MMAB: variants seen among roughly 807,000 people sequenced by gnomAD.
MMAB encodes the protein metabolism of cobalamin associated B, also known as corrinoid adenosyltransferase MMAB.
Under a neutral mutation model 30.6 loss-of-function variants are expected in MMAB, and 17 were observed. The ratio of observed to expected loss-of-function variants is 0.56; its 90% CI spans 0.38 to 0.83. MMAB has a LOEUF of 0.83. Ranked by LOEUF, MMAB falls within the 40% of genes least tolerant of loss-of-function variation. The pLI is 0.00. For synonymous variants in MMAB, 134 were observed against 138.6 expected, an observed-to-expected ratio of 0.97 and a Z score of 0.23; for missense variants, 311 against 331.6, an observed-to-expected ratio of 0.94 and a Z score of 0.48.
At chr12:109,563,712 C>T (rs1326083517) in intron 4 of MMAB, among the ~76,000 whole-genome samples, 1 of 152,244 alleles carries the variant, frequency 6.6e-6, no homozygotes, top group East Asian at 1.9e-4. Flanking sequence ...GAAAGCCTTC[C>T]TCCACCACAC....
At chr12:109,567,167 T>G in intron 3 of MMAB, 2 of 367,946 alleles carry the variant, frequency 5.4e-6, no homozygotes, top group Non-Finnish European at 1.1e-5. Context: ...CGAAACTCCG[T>G]CTCGGAAAAA....
intron 4 of MMAB, among the ~76,000 whole-genome samples, chr12:109,562,573 G>A (rs958640629): frequency 6.6e-5 from 10 of 152,326 alleles, no homozygotes; most frequent in African/African-American, 2.2e-4. Context: ...AAGAGGAACC[G>A]TCTGGGCTCT....
Position 109,556,626 on chromosome 12 carries a change from C to G in MMAB, c.*402G>C, listed in dbSNP as rs1421337484. 1.1e-5 allele frequency: 5 copies of G among 448,770 alleles called. No individual in the cohort carries two copies. Among genetic ancestry groups the G allele is most frequent in the African/African-American group, 2.3e-5 (1 of 43,524 alleles). 27.8% of individuals were successfully genotyped at this position (448,770 alleles called of 1,614,324 possible). On this transcript the variant is annotated 3_prime_UTR_variant, in exon 9 of 9. Coordinates refer to ENST00000545712, the MANE Select transcript of MMAB (RefSeq NM_052845.4). ...ATTCCAAATCTGTGAACAACCTGAG[C>G]TGGCAGTGGGAGGGCTCTCTCTCAC...
chr12:109,568,253 ACCCTGTGAT>A (rs1884507875), intron 3 of MMAB: 1 of 177,498 alleles, frequency 5.6e-6, no homozygotes, highest in East Asian at 1.4e-4. Context: ...CAAAGAATAT[ACCCTGTGAT>A]GGGCATGAAG....
At chr12:109,559,353 G>A (rs774258300) in intron 7 of MMAB, among the ~76,000 whole-genome samples, 198 bp from the exon 8 acceptor site, 2 of 152,154 alleles carry the variant, frequency 1.3e-5, no homozygotes, top group Non-Finnish European at 2.9e-5. Context: ...CCAGCACATC[G>A]CAGGACGGCC....
At chr12:109,571,029 C>G (rs1253854843) in intron 2 of MMAB, among the ~76,000 whole-genome samples, 3 of 151,648 alleles carry the variant, frequency 2.0e-5, no homozygotes, top group Admixed American at 6.6e-5. Context: ...AGTGAAAGTC[C>G]TTCTGTTTGT....
rs749398960 is a variant in MMAB at position 109,561,721 on chromosome 12, C to T, written c.421+59G>A. The T allele has an allele frequency of 3.4e-6, 5 of 1,492,524 alleles. No individual in the cohort carries two copies. In the South Asian group the frequency reaches 3.6e-5, roughly 11 times the overall value. 92.5% of individuals were successfully genotyped at this position (1,492,524 alleles called of 1,614,324 possible). ...GGGGCCTGGGATCCCAGATGGTGAC[C>T]CTAGGAGAGTCCCCTGACCCTAGGG... On this transcript the variant is annotated intron_variant, in intron 5 of 8. Transcript: ENST00000545712. This position sits in a 1 kb window ranked among gnomAD's most constrained non-coding sequence, Gnocchi z 5.3.
intron 4 of MMAB, among the ~76,000 whole-genome samples, chr12:109,562,354 G>A (rs1437747295): frequency 6.6e-6 from 1 of 152,200 alleles, no homozygotes; most frequent in South Asian, 2.1e-4. Flanking sequence ...ATAGCAGTGC[G>A]AGAACAGACT....
chr12:109,568,658 A>C, intron 3 of MMAB, 112 bp downstream of exon 3: 2 of 875,074 alleles, frequency 2.3e-6, no homozygotes, highest in Non-Finnish European at 2.0e-6. Context: ...AAGTTCAATA[A>C]GGGCTGACAA....
rs1344965944 is a variant in MMAB at position 109,554,440 on chromosome 12, C to A, written c.*2588G>T. The A allele has an allele frequency of 2.2e-6, 1 of 454,054 alleles. No homozygotes were observed. The highest frequency in any genetic ancestry group is 2.3e-5 in the Admixed American group (1 of 42,580). The allele number at this position is 454,054 out of a possible 1,614,324, so 28.1% of individuals were successfully genotyped here. On this transcript the variant is annotated 3_prime_UTR_variant, in exon 9 of 9. Coordinates refer to ENST00000545712, the MANE Select transcript of MMAB (RefSeq NM_052845.4). The stretch of plus-strand genomic sequence containing the variant: ...TGGGTGCAAAATGTAAGGAAGTGCC[C>A]ACAAACTCAGGGATCGAGTAGTATT...
intron 4 of MMAB, among the ~76,000 whole-genome samples, chr12:109,564,122 T>C (rs1368015000): frequency 6.6e-6 from 1 of 152,214 alleles, no homozygotes. Flanking sequence ...TCGGTGCTAT[T>C]GCCATTCAAG....
chr12:109,557,661 G>C (rs189310631), intron 8 of MMAB, among the ~76,000 whole-genome samples: 1 of 152,162 alleles, frequency 6.6e-6, no homozygotes, highest in Non-Finnish European at 1.5e-5. Context: ...CTGTGTGTTC[G>C]GGGCTGTCCT....
chr12:109,564,732 G>A (rs918353739), intron 4 of MMAB: 6 of 341,378 alleles, frequency 1.8e-5, no homozygotes, highest in Non-Finnish European at 5.7e-6. Context: ...AGGCAGGAGT[G>A]CAGTGGCATG....
In MMAB at chr12:109,555,610, T is replaced by G; in HGVS notation, c.*1418A>C. ...CTGAGCACCGACTCCGTACCAGACC[T>G]GGTAGTGACGATGGGGGCAGGGAGG... is the stretch of plus-strand genomic sequence containing the variant. On this transcript the variant is annotated 3_prime_UTR_variant, in exon 9 of 9. Transcript: ENST00000545712. 1 of 452,006 alleles carries G rather than the reference T, an allele frequency of 2.2e-6. No individual in the cohort carries two copies. Among genetic ancestry groups the G allele is most frequent in the Non-Finnish European group, 4.4e-6 (1 of 225,572 alleles). 28.0% of individuals were successfully genotyped at this position (452,006 alleles called of 1,614,324 possible).
In MMAB at chr12:109,556,648, T is replaced by TCTCTCTCTCACA. The variant is rs1555273916; in HGVS notation, c.*379_*380insTGTGAGAGAGAG. On this transcript the variant is annotated 3_prime_UTR_variant, in exon 9 of 9. Transcript: ENST00000545712. The stretch of plus-strand genomic sequence containing the variant: ...GAGCTGGCAGTGGGAGGGCTCTCTC[T>TCTCTCTCTCACA]CACACACACACACACACACACACAC... 8.9e-3 allele frequency: 2,905 copies of TCTCTCTCTCACA among 327,986 alleles called. 13 individuals carry two copies. The highest frequency in any genetic ancestry group is 0.042 in the East Asian group (511 of 12,110). 20.3% of individuals were successfully genotyped at this position (327,986 alleles called of 1,614,324 possible).
Position 109,561,306 on chromosome 12 carries a change from G to A in MMAB, c.519+114C>T. On this transcript the variant is annotated intron_variant, in intron 6 of 8. Transcript: ENST00000545712. The surrounding 1 kb of genome is among the most constrained non-coding windows in gnomAD (Gnocchi z 5.3). ...CCGGTGAGGACCTGGAGGGACTTGG[G>A]GAACTGGAGGACAGCGTCTGTCACT... 6.4e-7 allele frequency: 1 copy of A among 1,555,670 alleles called. No homozygotes were observed. The highest frequency in any genetic ancestry group is 8.6e-7 in the Non-Finnish European group (1 of 1,157,766).
chr12:109,556,263 C>G lies in MMAB; in HGVS notation c.*765G>C, dbSNP rs1883966723. The G allele has an allele frequency of 6.6e-6, 3 of 453,972 alleles. No individual in the cohort carries two copies. The highest frequency in any genetic ancestry group is 1.3e-5 in the Non-Finnish European group (3 of 226,788). The allele number at this position is 453,972 out of a possible 1,614,324, so 28.1% of individuals were successfully genotyped here. A position where few individuals can be genotyped will look rare whatever the true frequency, so the allele number is the denominator to read the frequency against. On this transcript the variant is annotated 3_prime_UTR_variant, in exon 9 of 9. Transcript: ENST00000545712. ...CTGGAAACTGACAACCTCATTTTCTCAAGCTGAAGATGCTGCACCGCAGAC... is the reference window on the plus strand; with the variant it reads ...CTGGAAACTGACAACCTCATTTTCTGAAGCTGAAGATGCTGCACCGCAGAC...
At position 109,569,670 on chromosome 12, in the gene MMAB, G is replaced by C. The variant is rs1011089952; in HGVS notation, c.197-807C>G. On this transcript the variant is annotated intron_variant, in intron 2 of 8. Transcript: ENST00000545712. The surrounding 1 kb of genome is among the most constrained non-coding windows in gnomAD (Gnocchi z 4.1). The stretch of plus-strand genomic sequence containing the variant: ...CAGTTTGGAGCTGGCTTTCGCTATC[G>C]GGCAGGCTTTGGGGTTGCCAGGTGC... Among the ~76,000 whole-genome samples the C allele has an allele frequency of 1.3e-5, 2 of 152,188 alleles. No homozygotes were observed. The highest frequency in any genetic ancestry group is 2.9e-5 in the Non-Finnish European group (2 of 68,042).
chr12:109,558,931 C>T lies in MMAB; in HGVS notation c.644+165G>A, dbSNP rs372886160. Among the ~76,000 whole-genome samples, 80 of 152,238 alleles carry T rather than the reference C, an allele frequency of 5.3e-4. No homozygotes were observed. The highest frequency in any genetic ancestry group is 2.9e-3 in the East Asian group (15 of 5,188). ...TGTTCACCACTGCCTCCCCTGTGCCCGGCGTGGTGCCTGGCACAGAGCAGA... is the reference window on the plus strand; with the variant it reads ...TGTTCACCACTGCCTCCCCTGTGCCTGGCGTGGTGCCTGGCACAGAGCAGA... On this transcript the variant is annotated intron_variant, in intron 8 of 8. Transcript: ENST00000545712. This position sits in a 1 kb window ranked among gnomAD's most constrained non-coding sequence, Gnocchi z 4.3.
Sources: gnomAD v4.1 joint callset for allele counts (sites outside exome capture counted in the v4.1 genomes callset) on GRCh38, gnomAD v4.1.1 for gene constraint, Gnocchi (gnomAD v3.1) non-coding constraint, MANE v1.5 for transcripts, NCBI Gene and HGNC (gene_info 2026-07-23, HGNC 2026-07-21) for gene names.